Variants in RAB11FIP4 observed in about 807,000 individuals in gnomAD.
The protein encoded by RAB11FIP4 is rab11 family-interacting protein 4.
RAB11FIP4 carries 23 observed loss-of-function variants against 74.3 expected under a neutral mutation model. That is an observed-to-expected ratio of 0.31 (90% CI 0.22 to 0.44). RAB11FIP4 has a LOEUF of 0.44. RAB11FIP4 is among the 20% of genes least tolerant of loss of function. RAB11FIP4 has a pLI of 1.00. For synonymous variants in RAB11FIP4, 360 were observed against 359.9 expected (o/e 1.00, Z 0.00); for missense variants, 630 against 863.9 (o/e 0.73, Z 3.39).
chr17:31,438,946 T>G (rs563211972), intron 3 of RAB11FIP4, among the ~76,000 whole-genome samples: 2 of 152,056 alleles, frequency 1.3e-5, no homozygotes, highest in Non-Finnish European at 2.9e-5. Flanking sequence ...ACTGCTTCTC[T>G]TAAAAAAAAA....
chr17:31,517,191 C>CGGGGGGGG (rs537395833), intron 3 of RAB11FIP4, among the ~76,000 whole-genome samples: 2 of 42,778 alleles, frequency 4.7e-5, no homozygotes, highest in Non-Finnish European at 1.1e-4. Context: ...GGAGGCGGTG[C>CGGGGGGGG]GGGGGGGGGG....
chr17:31,411,845 G>A (rs530318556), intron 1 of RAB11FIP4, among the ~76,000 whole-genome samples: 26 of 152,366 alleles, frequency 1.7e-4, no homozygotes, highest in South Asian at 1.7e-3. Flanking sequence ...ACTGCAGGGC[G>A]TCCTTCCGAG....
At chr17:31,453,792 CA>C (rs555119408) in intron 3 of RAB11FIP4, among the ~76,000 whole-genome samples, 12,625 of 62,624 alleles carry the variant, frequency 0.2, 390 homozygotes, top group African/African-American at 0.23. Context: ...AGACTCGTCT[CA>C]AAAAAAAAAA....
At chr17:31,416,060 G>C (rs767271980) in intron 1 of RAB11FIP4, among the ~76,000 whole-genome samples, 1 of 152,224 alleles carries the variant, frequency 6.6e-6, no homozygotes, top group Non-Finnish European at 1.5e-5. Flanking sequence ...CCGAGGTCAC[G>C]CAGTGGTACC....
chr17:31,527,985 C>T, intron 11 of RAB11FIP4, 62 bp downstream of exon 11: 1 of 1,285,782 alleles, frequency 7.8e-7, no homozygotes, highest in Non-Finnish European at 1.1e-6. Flanking sequence ...TAGTTTATTG[C>T]TTCTGAAATT....
intron 1 of RAB11FIP4, chr17:31,392,441 GGGTGCTCTGCAGCCTTGGC>G (rs1206053031): frequency 6.5e-6 from 1 of 153,704 alleles, no homozygotes; most frequent in East Asian, 1.9e-4. Flanking sequence ...GGACCGGTAG[GGGTGCTCTGCAGCCTTGGC>G]TCCTCGGCTG....
intron 2 of RAB11FIP4, among the ~76,000 whole-genome samples, chr17:31,432,653 C>G (rs938346279): frequency 6.6e-6 from 1 of 152,210 alleles, no homozygotes; most frequent in Non-Finnish European, 1.5e-5. Context: ...AGCCTCCATG[C>G]CCTGCCCTCT....
intron 3 of RAB11FIP4, among the ~76,000 whole-genome samples, chr17:31,438,214 G>A (rs2071377746): frequency 6.6e-6 from 1 of 152,078 alleles, no homozygotes; most frequent in South Asian, 2.1e-4. Flanking sequence ...AGGGGGCATG[G>A]AGACACGTGG....
Position 31,486,391 on chromosome 17 carries a change from C to T in RAB11FIP4, c.337-31260C>T, listed in dbSNP as rs114684308. Among the ~76,000 whole-genome samples the T allele has an allele frequency of 8.4e-3, 1,273 of 152,114 alleles. 14 individuals carry two copies. The highest frequency in any genetic ancestry group is 0.029 in the African/African-American group (1,211 of 41,486). The stretch of plus-strand genomic sequence containing the variant: ...AGCTGGGACTACAGGTACGTGCCAC[C>T]ACACCTGCCTAATGTTTTTATTTCT... On this transcript the variant is annotated intron_variant, in intron 3 of 14. Transcript: ENST00000621161.
At chr17:31,442,821 G>A (rs770638425) in intron 3 of RAB11FIP4, among the ~76,000 whole-genome samples, 18 of 152,112 alleles carry the variant, frequency 1.2e-4, no homozygotes, top group Non-Finnish European at 1.6e-4. Context: ...TTAGCCAGGC[G>A]TGATAGCGCA....
chr17:31,426,227 G>A (rs2071248378), intron 1 of RAB11FIP4, among the ~76,000 whole-genome samples: 1 of 152,190 alleles, frequency 6.6e-6, no homozygotes, highest in Non-Finnish European at 1.5e-5. Context: ...TCTGGGGTCA[G>A]TAAGACCTGG....
intron 3 of RAB11FIP4, among the ~76,000 whole-genome samples, chr17:31,502,061 T>C (rs1367968287): frequency 6.6e-6 from 1 of 151,954 alleles, no homozygotes; most frequent in Non-Finnish European, 1.5e-5. Flanking sequence ...CCATCTGTAC[T>C]GAAAATACAA....
At chr17:31,499,063 G>C (rs1397802877) in intron 3 of RAB11FIP4, among the ~76,000 whole-genome samples, 1 of 152,168 alleles carries the variant, frequency 6.6e-6, no homozygotes, top group Non-Finnish European at 1.5e-5. Flanking sequence ...ACTGCAGCAC[G>C]TTACTTCGCT....
At chr17:31,469,919 A>G (rs2071721688) in intron 3 of RAB11FIP4, among the ~76,000 whole-genome samples, 1 of 152,216 alleles carries the variant, frequency 6.6e-6, no homozygotes, top group African/African-American at 2.4e-5. Context: ...CCCAGGCAAG[A>G]GTGGCTTTAC....
chr17:31,506,522 C>A lies in RAB11FIP4; in HGVS notation c.337-11129C>A, dbSNP rs185625970. On this transcript the variant is annotated intron_variant, in intron 3 of 14. Transcript: ENST00000621161. Reference sequence around the variant, plus strand: ...TGACTATAGCTTCGTGCCTGTTGACCAACCTTTCCCCGTCCTCCCTTCTCC... The same window carrying A: ...TGACTATAGCTTCGTGCCTGTTGACAAACCTTTCCCCGTCCTCCCTTCTCC... Among the ~76,000 whole-genome samples the A allele has an allele frequency of 5.0e-3, 764 of 152,316 alleles. 10 individuals are homozygous for A. The highest frequency in any genetic ancestry group is 0.017 in the African/African-American group (727 of 41,564).
chr17:31,472,828 T>A (rs1276557320), intron 3 of RAB11FIP4, among the ~76,000 whole-genome samples: 1 of 150,128 alleles, frequency 6.7e-6, no homozygotes, highest in Non-Finnish European at 1.5e-5. Context: ...AGGTCAGGAG[T>A]TCGAGACCAG....
chr17:31,472,413 A>G (rs539262078), intron 3 of RAB11FIP4, among the ~76,000 whole-genome samples: 1 of 152,260 alleles, frequency 6.6e-6, no homozygotes, highest in African/African-American at 2.4e-5. Context: ...CATGGCTCTC[A>G]TCATAAAGGC....
At chr17:31,422,305 C>T (rs1439896697) in intron 1 of RAB11FIP4, among the ~76,000 whole-genome samples, 4 of 152,138 alleles carry the variant, frequency 2.6e-5, no homozygotes, top group African/African-American at 4.8e-5. Context: ...GTGGTGTGTT[C>T]GATAAACATC....
chr17:31,407,040 A>ATTT lies in RAB11FIP4; in HGVS notation c.159+15056_159+15058dup, dbSNP rs59919036. ...CACATTTGTTTTTTTGTTTCACTTG[A>ATTT]TTTTTTTTTTTTTTTTTTTTTTTTT... On this transcript the variant is annotated intron_variant, in intron 1 of 14. Transcript: ENST00000621161. Among the ~76,000 whole-genome samples, 181 of 51,212 alleles carry ATTT rather than the reference A, an allele frequency of 3.5e-3. 20 individuals carry two copies. The highest frequency in any genetic ancestry group is 9.5e-3 in the African/African-American group (123 of 12,930). The allele number at this position is 51,212 out of a possible 152,430, so 33.6% of individuals were successfully genotyped here.
Sources: gnomAD v4.1 joint callset for allele counts (sites outside exome capture counted in the v4.1 genomes callset) on GRCh38, gnomAD v4.1.1 for gene constraint, MANE v1.5 for transcripts, NCBI Gene and HGNC (gene_info 2026-07-23, HGNC 2026-07-21) for gene names.